Variants in GRIN2C observed in about 807,000 individuals in gnomAD.
The protein encoded by GRIN2C is glutamate receptor ionotropic, NMDA 2C.
GRIN2C carries 64 observed loss-of-function variants against 77.7 expected under a neutral mutation model. That is an observed-to-expected ratio of 0.82 (90% CI 0.67 to 1.01). The LOEUF (loss-of-function observed/expected upper bound fraction) is 1.01, where lower values mean the gene tolerates loss of function less well. Among genes scored for constraint, GRIN2C ranks in the 50% least tolerant of loss-of-function variants. The probability of loss-of-function intolerance (pLI) is 0.00; values close to 1 mark genes in which losing one functional copy is unlikely to be tolerated. For synonymous variants in GRIN2C, 792 were observed against 643.4 expected (o/e 1.23, Z -3.49); for missense variants, 1,549 against 1,486.0 (o/e 1.04, Z -0.70).
intron 1 of GRIN2C, 73 bp from the exon 2 acceptor site, chr17:74,855,180 G>A: frequency 9.2e-6 from 11 of 1,199,506 alleles, no homozygotes; most frequent in Non-Finnish European, 1.1e-5. Context: ...AGACAGGAGG[G>A]ACAGAGGGAC....
At chr17:74,843,945 C>G (rs2037381185) in intron 12 of GRIN2C, 2 of 483,328 alleles carry the variant, frequency 4.1e-6, no homozygotes, top group Non-Finnish European at 7.3e-6. Context: ...GCCATCTCGG[C>G]TCACTGCAAC....
chr17:74,851,524 G>C (rs1261120362), intron 4 of GRIN2C, 53 bp downstream of exon 4: 1 of 1,006,936 alleles, frequency 9.9e-7, no homozygotes, highest in Non-Finnish European at 1.5e-6. Flanking sequence ...ACAAGAGGAG[G>C]CGGGGACAAA....
chr17:74,842,799 G>T lies in GRIN2C; in HGVS notation c.3338C>A (p.Ala1113Asp). ...CTGCGCCTGCGCCAAGCGCCTGCAG[G>T]CCGAGTGGCCGTCGGGGCGGGCGCA... The part of the protein sequence containing the change: ...PACARPDGHS[A>D]CRRLAQAQSM... The change falls in exon 13 of 13, where the codon GCC becomes GAC. Residue 1113 changes from alanine to aspartate, a missense_variant. Physicochemically the swap from Ala to Asp is moderately radical, Grantham distance 126. This residue lies in a region of GRIN2C where 450 missense variants were observed against 267.9 expected (regional missense o/e 1.68). Coordinates refer to ENST00000293190, the MANE Select transcript of GRIN2C (RefSeq NM_000835.6). 1.6e-6 allele frequency: 1 copy of T among 623,282 alleles called. No homozygotes were observed. The highest frequency in any genetic ancestry group is 2.8e-6 in the Non-Finnish European group (1 of 352,734). 38.6% of individuals were successfully genotyped at this position (623,282 alleles called of 1,614,324 possible).
In GRIN2C at chr17:74,859,334, C is replaced by G. The variant is rs1203889022; in HGVS notation, c.-16+410G>C. ...CACCTTCCCAGGCTGGGGGCCTTCT[C>G]CTTCCCGGGTCCTCACAGCTCAGCC... On this transcript the variant is annotated intron_variant, in intron 1 of 12. Transcript: ENST00000293190. This position sits in a 1 kb window ranked among gnomAD's most constrained non-coding sequence, Gnocchi z 5.9. Among the ~76,000 whole-genome samples, 2 of 152,164 alleles carry G rather than the reference C, an allele frequency of 1.3e-5. No individual in the cohort carries two copies. The highest frequency in any genetic ancestry group is 2.9e-5 in the Non-Finnish European group (2 of 68,028).
upstream of GRIN2C, chr17:74,859,910 T>A (rs2037912421): frequency 6.1e-6 from 1 of 164,612 alleles, no homozygotes; most frequent in Non-Finnish European, 1.3e-5. The surrounding 1 kb of genome is among the most constrained non-coding windows in gnomAD (Gnocchi z 5.9). Context: ...CGGCGGCGGC[T>A]CCGGGCGGGG....
intron 7 of GRIN2C, 113 bp from the exon 8 acceptor site, chr17:74,848,090 C>CT: frequency 8.5e-7 from 1 of 1,183,254 alleles, no homozygotes; most frequent in Non-Finnish European, 1.2e-6. Flanking sequence ...CCCACCAGCT[C>CT]TGCGGACCCA....
intron 1 of GRIN2C, among the ~76,000 whole-genome samples, chr17:74,855,868 C>G (rs574635712): frequency 6.6e-6 from 1 of 152,398 alleles, no homozygotes; most frequent in East Asian, 1.9e-4. Context: ...CTGGACGTCA[C>G]TACAGCCCTT....
At position 74,852,488 on chromosome 17, in the gene GRIN2C, G is replaced by A. The variant is rs2037689612; in HGVS notation, c.523C>T (p.His175Tyr). The part of the protein sequence containing the change: ...FAVITSLHPG[H>Y]ALFLEGVRAV... ...CGCACGCCCTCCAGGAAGAGCGCGTGGCCCGGGTGCAGGCTGGTGATGACG... is the reference window on the plus strand; with the variant it reads ...CGCACGCCCTCCAGGAAGAGCGCGTAGCCCGGGTGCAGGCTGGTGATGACG... The change falls in exon 3 of 13, where the codon CAC becomes TAC. Residue 175 changes from histidine to tyrosine, a missense_variant. Coordinates refer to ENST00000293190, the MANE Select transcript of GRIN2C (RefSeq NM_000835.6). 1 of 1,567,182 alleles carries A rather than the reference G, an allele frequency of 6.4e-7. No individual in the cohort carries two copies. The highest frequency in any genetic ancestry group is 1.2e-5 in the South Asian group (1 of 86,792).
rs2037572025 is a variant in GRIN2C, at chr17:74,849,726, C to G, written c.1645+54G>C. On this transcript the variant is annotated intron_variant, in intron 7 of 12. Coordinates refer to ENST00000293190, the MANE Select transcript of GRIN2C (RefSeq NM_000835.6). The surrounding 1 kb of genome is among the most constrained non-coding windows in gnomAD (Gnocchi z 4.6). ...CATCCCCACCCAAGCTGTACACACCCTCCTCGTGGGCCCCTCTGCCCCCGG... is the reference window on the plus strand; with the variant it reads ...CATCCCCACCCAAGCTGTACACACCGTCCTCGTGGGCCCCTCTGCCCCCGG... 1 of 1,553,618 alleles carries G rather than the reference C, an allele frequency of 6.4e-7. No individual in the cohort carries two copies. The highest frequency in any genetic ancestry group is 8.7e-7 in the Non-Finnish European group (1 of 1,143,168).
In GRIN2C at chr17:74,847,853, C is replaced by CT; in HGVS notation, c.1769dup (p.Lys591GlufsTer75). 6.2e-7 allele frequency: 1 copy of CT among 1,614,070 alleles called. No homozygotes were observed. On this transcript the variant is annotated frameshift_variant and splice_region_variant, in exon 8 of 13. Transcript: ENST00000293190. LOFTEE classifies it high-confidence loss of function. This position sits in a 1 kb window ranked among gnomAD's most constrained non-coding sequence, Gnocchi z 5.2. The stretch of plus-strand genomic sequence containing the variant: ...CTGCCGGGCCCAGGCAAGGCTTACT[C>CT]TTGCCTCTGGTGAGGTTCTGGTTGT...
In GRIN2C at chr17:74,843,257, C is replaced by T. The variant is rs1170225021; in HGVS notation, c.2880G>A (p.Trp960Ter). 4.8e-6 allele frequency: 4 copies of T among 839,496 alleles called. No homozygotes were observed. Among genetic ancestry groups the T allele is most frequent in the Non-Finnish European group, 6.8e-6 (4 of 591,410 alleles). 52.0% of individuals were successfully genotyped at this position (839,496 alleles called of 1,614,324 possible). A position where few individuals can be genotyped will look rare whatever the true frequency, so the allele number is the denominator to read the frequency against. The change falls in exon 13 of 13, where the codon TGG (tryptophan) becomes TGA (stop). Residue 960 changes from tryptophan (W) to a stop codon, truncating the protein, a stop_gained. Coordinates refer to ENST00000293190, the MANE Select transcript of GRIN2C (RefSeq NM_000835.6). LOFTEE classifies it low-confidence loss of function (END_TRUNC). Reference sequence around the variant, plus strand: ...CCGCGCGACCCCCGTCTGGCGGTCCCCAGCCCGTGGGGCTCGGCTCTGGGG... The same window carrying T: ...CCGCGCGACCCCCGTCTGGCGGTCCTCAGCCCGTGGGGCTCGGCTCTGGGG... The part of the protein sequence containing the change: ...DPPPEPSPTG[W>*]GPPDGGRAAL...
In GRIN2C at chr17:74,846,255, T is replaced by A. The variant is rs1567890094; in HGVS notation, c.2163-2A>T. On this transcript the variant is annotated splice_acceptor_variant, in intron 10 of 12. Coordinates refer to ENST00000293190, the MANE Select transcript of GRIN2C (RefSeq NM_000835.6). LOFTEE classifies it high-confidence loss of function. The surrounding 1 kb of genome is among the most constrained non-coding windows in gnomAD (Gnocchi z 4.4). The stretch of plus-strand genomic sequence containing the variant: ...TCATAGATGAAGGCATCCAGCTTCC[T>A]GGGGACAGGCTGAGCCTCAGAGCTA... The A allele has an allele frequency of 1.2e-6, 2 of 1,613,862 alleles. No individual in the cohort carries two copies. Among genetic ancestry groups the A allele is most frequent in the Non-Finnish European group, 1.7e-6 (2 of 1,179,778 alleles).
intron 12 of GRIN2C, 125 bp downstream of exon 12, chr17:74,844,151 G>A (rs1377641725): frequency 6.8e-7 from 1 of 1,477,692 alleles, no homozygotes; most frequent in Admixed American, 2.4e-5. Context: ...TGAGATTACA[G>A]GTGTGAGCCA....
At chr17:74,845,972 C>T in intron 11 of GRIN2C, 94 bp downstream of exon 11, 1 of 1,193,942 alleles carries the variant, frequency 8.4e-7, no homozygotes, top group Non-Finnish European at 1.2e-6. Flanking sequence ...CCTCTCCCTG[C>T]TCACAGGCCT....
At chr17:74,844,221 ATC>A in intron 12 of GRIN2C, 53 bp downstream of exon 12, 1 of 1,601,396 alleles carries the variant, frequency 6.2e-7, no homozygotes. Context: ...GCCCGGACTT[ATC>A]TGGGTAGGTG....
Position 74,843,092 on chromosome 17 carries a change from G to T in GRIN2C, c.3045C>A (p.Leu1015=). 2.2e-6 allele frequency: 1 copy of T among 456,412 alleles called. No homozygotes were observed. 28.3% of individuals were successfully genotyped at this position (456,412 alleles called of 1,614,324 possible). ...GCGACAGGGGCCGCTCGGAGGCCGA[G>T]AGGTGCCTCCCGCAGTGCCCGGTCC... ...PVRTGHCGRH[L]SASERPLSPA... The change falls in exon 13 of 13, where the codon CTC becomes CTA. Residue 1015 remains leucine (L), a synonymous_variant. Transcript: ENST00000293190.
chr17:74,851,323 C>T, intron 4 of GRIN2C: 1 of 468,430 alleles, frequency 2.1e-6, no homozygotes. Flanking sequence ...GGGGCAGGAC[C>T]AGGAGATAGG....
upstream of GRIN2C, chr17:74,860,633 G>T: frequency 2.5e-6 from 1 of 396,864 alleles, no homozygotes; most frequent in South Asian, 1.8e-5. Flanking sequence ...TGCGCAGCCA[G>T]GGCCCAGCGC....
rs1023115232 is a variant in GRIN2C, at chr17:74,846,360, C to T, written c.2163-107G>A. 19 of 908,354 alleles carry T rather than the reference C, an allele frequency of 2.1e-5. No individual in the cohort carries two copies. The highest frequency in any genetic ancestry group is 1.1e-4 in the Admixed American group (5 of 47,594). 56.3% of individuals were successfully genotyped at this position (908,354 alleles called of 1,614,324 possible). A position where few individuals can be genotyped will look rare whatever the true frequency, so the allele number is the denominator to read the frequency against. On this transcript the variant is annotated intron_variant, in intron 10 of 12. Coordinates refer to ENST00000293190, the MANE Select transcript of GRIN2C (RefSeq NM_000835.6). This position sits in a 1 kb window ranked among gnomAD's most constrained non-coding sequence, Gnocchi z 4.4. The stretch of plus-strand genomic sequence containing the variant: ...ACCACATGAGCCTGCTGGGCACCCC[C>T]GGGAGGGACCAATGGGCAGAGACTT...
Sources: gnomAD v4.1 joint callset for allele counts (sites outside exome capture counted in the v4.1 genomes callset) on GRCh38, gnomAD v4.1.1 for gene constraint, gnomAD v4.1.1 regional missense constraint, Gnocchi (gnomAD v3.1) non-coding constraint, MANE v1.5 for transcripts, NCBI Gene and HGNC (gene_info 2026-07-23, HGNC 2026-07-21) for gene names.